The following GPR157 variants were observed in gnomAD, a reference collection of about 807,000 sequenced individuals.
The protein encoded by GPR157 is G-protein coupled receptor 157.
A neutral mutation model predicts 23.5 loss-of-function variants in GPR157; 16 were observed. The observed-to-expected ratio is 0.68, with a 90% CI of 0.46 to 1.04. The LOEUF (loss-of-function observed/expected upper bound fraction) is 1.04, where lower values mean the gene tolerates loss of function less well. Ranked by LOEUF, GPR157 falls within the 50% of genes least tolerant of loss-of-function variation. GPR157 has a pLI of 0.00. For missense variants in GPR157, 440 were observed against 460.7 expected (o/e 0.96, Z 0.41); for synonymous variants, 200 against 221.5 (o/e 0.90, Z 0.86).
chr1:9,115,555 A>G (rs1638617287), intron 1 of GPR157, among the ~76,000 whole-genome samples: 1 of 151,744 alleles, frequency 6.6e-6, no homozygotes, highest in Admixed American at 6.6e-5. Flanking sequence ...TGGTGACATG[A>G]GCAACTTCTT....
Position 9,118,765 on chromosome 1 carries a change from T to G in GPR157, c.384-7276A>C, listed in dbSNP as rs929740824. 2.0e-5 allele frequency among the ~76,000 whole-genome samples: 3 copies of G among 152,160 alleles called. No homozygotes were observed. The highest frequency in any genetic ancestry group is 2.0e-4 in the Admixed American group (3 of 15,268). ...ATAACTTAAGAGGAAAGGCTGGGCA[T>G]GGTGGCTCACACCTGTAATCCCAGC... On this transcript the variant is annotated intron_variant, in intron 1 of 3. Transcript: ENST00000377411. The surrounding 1 kb of genome is among the most constrained non-coding windows in gnomAD (Gnocchi z 4.6).
intron 1 of GPR157, among the ~76,000 whole-genome samples, chr1:9,126,537 T>C (rs1325863637): frequency 6.6e-6 from 1 of 152,220 alleles, no homozygotes; most frequent in Non-Finnish European, 1.5e-5. Context: ...ATTCCAGTAG[T>C]ATGAAATGGT....
intron 1 of GPR157, among the ~76,000 whole-genome samples, chr1:9,113,956 AACACACACACACACACACACACAC>A (rs35650719): frequency 2.5e-5 from 3 of 121,882 alleles, no homozygotes; most frequent in Admixed American, 8.7e-5. Context: ...AAAAAAACCA[AACACACACACACACACACACACAC>A]ACACACACAC....
intron 1 of GPR157, among the ~76,000 whole-genome samples, chr1:9,125,923 G>GA (rs1638953178): frequency 6.6e-6 from 1 of 150,656 alleles, no homozygotes; most frequent in African/African-American, 2.4e-5. Flanking sequence ...TAATACTGTA[G>GA]AAAAATGCCA....
chr1:9,114,021 G>A (rs1176603343), intron 1 of GPR157, among the ~76,000 whole-genome samples: 1 of 147,214 alleles, frequency 6.8e-6, no homozygotes, highest in East Asian at 2.0e-4. Context: ...AGAAAGGGTT[G>A]TTTTAAAACT....
chr1:9,122,624 T>G (rs61605568), intron 1 of GPR157, among the ~76,000 whole-genome samples: 3,342 of 152,162 alleles, frequency 0.022, 170 homozygotes, highest in East Asian at 0.17. Flanking sequence ...TTCTGGGATA[T>G]CCTGCCAAAC....
At chr1:9,123,388 A>AAATTAAATATAT (rs1638869183) in intron 1 of GPR157, among the ~76,000 whole-genome samples, 1 of 35,536 alleles carries the variant, frequency 2.8e-5, no homozygotes, top group African/African-American at 9.0e-5. Context: ...ATATATATTT[A>AAATTAAATATAT]ATTTAAATAT....
chr1:9,119,110 C>T (rs1240663192), intron 1 of GPR157, among the ~76,000 whole-genome samples: 9 of 148,874 alleles, frequency 6.0e-5, no homozygotes, highest in African/African-American at 2.2e-4. Context: ...TGGCTCATGG[C>T]AAACCTCCGC....
intron 2 of GPR157, among the ~76,000 whole-genome samples, chr1:9,110,242 GC>G (rs1471515848): frequency 6.6e-6 from 1 of 152,122 alleles, no homozygotes; most frequent in Non-Finnish European, 1.5e-5. Flanking sequence ...ACTGAATGAG[GC>G]CGGGCGCGGT....
intron 1 of GPR157, among the ~76,000 whole-genome samples, chr1:9,112,808 C>G (rs373099260): frequency 6.6e-6 from 1 of 152,204 alleles, no homozygotes; most frequent in African/African-American, 2.4e-5. Flanking sequence ...CAGGAGTAGG[C>G]CCCTTCCCTG....
chr1:9,108,042 T>C (rs1638386729), intron 2 of GPR157, among the ~76,000 whole-genome samples: 1 of 151,810 alleles, frequency 6.6e-6, no homozygotes, highest in African/African-American at 2.4e-5. Context: ...TGAGCCAAGA[T>C]TGAGCCACTG....
chr1:9,123,201 T>C (rs184047771), intron 1 of GPR157, among the ~76,000 whole-genome samples: 304 of 127,724 alleles, frequency 2.4e-3, no homozygotes, highest in Non-Finnish European at 3.9e-3. Context: ...ATAAATAAAA[T>C]TTATATATAT....
At chr1:9,119,656 C>T (rs983021241) in intron 1 of GPR157, among the ~76,000 whole-genome samples, 1 of 152,194 alleles carries the variant, frequency 6.6e-6, no homozygotes, top group Non-Finnish European at 1.5e-5. Flanking sequence ...CCCCCAATCT[C>T]AGAGGTCAGG....
intron 1 of GPR157, among the ~76,000 whole-genome samples, chr1:9,117,788 CAAA>C (rs1434050901): frequency 6.6e-6 from 1 of 151,774 alleles, no homozygotes; most frequent in African/African-American, 2.4e-5. Flanking sequence ...AACAAACAAA[CAAA>C]AAACACAAAA....
intron 1 of GPR157, among the ~76,000 whole-genome samples, chr1:9,122,092 C>A (rs1011358897): frequency 6.6e-6 from 1 of 152,154 alleles, no homozygotes; most frequent in Non-Finnish European, 1.5e-5. Context: ...CGCCCACCAC[C>A]GTGAGGGGAG....
chr1:9,123,629 T>G (rs1415457953), intron 1 of GPR157, among the ~76,000 whole-genome samples: 2 of 112,898 alleles, frequency 1.8e-5, no homozygotes, highest in East Asian at 2.2e-4. Flanking sequence ...TAAATATATT[T>G]TAAATATACA....
intron 2 of GPR157, among the ~76,000 whole-genome samples, chr1:9,109,836 G>A (rs967289764): frequency 6.6e-6 from 1 of 152,116 alleles, no homozygotes; most frequent in Non-Finnish European, 1.5e-5. Context: ...AGGTCTTGAC[G>A]CGAGAAGACA....
rs1319711177 is a variant in GPR157 at position 9,101,834 on chromosome 1, T to G, written c.*2585A>C. Reference sequence around the variant, plus strand: ...CTCCAGAGGCCCCTGCTGAGCAGGGTTGATCCTAACACTATTCCTCTGTGG... The same window carrying G: ...CTCCAGAGGCCCCTGCTGAGCAGGGGTGATCCTAACACTATTCCTCTGTGG... On this transcript the variant is annotated 3_prime_UTR_variant, in exon 4 of 4. Transcript: ENST00000377411. 1 of 152,114 alleles carries G rather than the reference T, an allele frequency of 6.6e-6. No individual in the cohort carries two copies. Among genetic ancestry groups the G allele is most frequent in the East Asian group, 1.9e-4 (1 of 5,178 alleles). 9.4% of individuals were successfully genotyped at this position (152,114 alleles called of 1,614,324 possible).
At chr1:9,117,724 T>C (rs1638713564) in intron 1 of GPR157, among the ~76,000 whole-genome samples, 2 of 152,108 alleles carry the variant, frequency 1.3e-5, no homozygotes, top group Admixed American at 6.5e-5. Context: ...ATCGCGCCAC[T>C]GTACTCCAGC....
Sources: allele counts gnomAD v4.1 joint callset (sites outside exome capture counted in the v4.1 genomes callset), GRCh38; gene constraint gnomAD v4.1.1; non-coding constraint Gnocchi (gnomAD v3.1); transcripts MANE v1.5; gene names NCBI Gene and HGNC (gene_info 2026-07-23, HGNC 2026-07-21).